The following TMEM132B variants were observed in gnomAD, a reference collection of about 807,000 sequenced individuals.
TMEM132B encodes the protein transmembrane protein 132B.
TMEM132B carries 18 observed loss-of-function variants against 90.8 expected under a neutral mutation model. The observed-to-expected ratio is 0.20, with a 90% CI of 0.14 to 0.29. The LOEUF (loss-of-function observed/expected upper bound fraction) is 0.29. TMEM132B is among the 10% of genes least tolerant of loss of function. The probability of loss-of-function intolerance (pLI) is 1.00; values close to 1 mark genes in which losing one functional copy is unlikely to be tolerated. For missense variants in TMEM132B, 1,096 were observed against 1,326.8 expected (o/e 0.83, Z 2.70); for synonymous variants, 504 against 523.3 (o/e 0.96, Z 0.50).
rs895340559 is a variant in TMEM132B at position 125,658,957 on chromosome 12, A to G, written c.*4247A>G. ...TTTTTCTGGAAATATTTCGGAAATA[A>G]AGTGACTTCATTTTTCAGCATAAAA... is the stretch of plus-strand genomic sequence containing the variant. On this transcript the variant is annotated 3_prime_UTR_variant, in exon 9 of 9. Coordinates refer to ENST00000682704, the MANE Select transcript of TMEM132B (RefSeq NM_001366854.1). 6.6e-6 allele frequency: 1 copy of G among 152,200 alleles called. No homozygotes were observed. 9.4% of individuals were successfully genotyped at this position (152,200 alleles called of 1,614,324 possible).
intron 3 of TMEM132B, among the ~76,000 whole-genome samples, chr12:125,496,376 A>T (rs977348619): frequency 6.6e-6 from 1 of 152,176 alleles, no homozygotes; most frequent in African/African-American, 2.4e-5. Flanking sequence ...CCTATACATC[A>T]GTTGAAATAT....
At chr12:125,449,878 A>T (rs1368808188) in intron 3 of TMEM132B, among the ~76,000 whole-genome samples, 1 of 152,230 alleles carries the variant, frequency 6.6e-6, no homozygotes, top group Non-Finnish European at 1.5e-5. Context: ...TAAGCAAATG[A>T]GTCAACATTT....
At chr12:125,248,612 A>G (rs1874253914) in intron 1 of TMEM132B, among the ~76,000 whole-genome samples, 1 of 152,224 alleles carries the variant, frequency 6.6e-6, no homozygotes, top group Non-Finnish European at 1.5e-5. Context: ...CTAATAAATT[A>G]TAAAGTAATC....
At chr12:125,632,023 A>G (rs1886378590) in intron 5 of TMEM132B, among the ~76,000 whole-genome samples, 2 of 151,762 alleles carry the variant, frequency 1.3e-5, no homozygotes, top group East Asian at 3.9e-4. Flanking sequence ...CCATTTTGTT[A>G]CTAGTTTTCT....
intron 1 of TMEM132B, among the ~76,000 whole-genome samples, chr12:125,249,700 A>G (rs910807037): frequency 6.6e-6 from 1 of 152,224 alleles, no homozygotes; most frequent in Non-Finnish European, 1.5e-5. Context: ...TCTTGAAGCA[A>G]TTTGACAGTT....
chr12:125,548,250 T>C (rs929023653), intron 4 of TMEM132B, among the ~76,000 whole-genome samples: 2 of 152,164 alleles, frequency 1.3e-5, no homozygotes, highest in African/African-American at 4.8e-5. Context: ...AACTCATTGG[T>C]GTTAACAGTC....
intron 1 of TMEM132B, among the ~76,000 whole-genome samples, chr12:125,288,712 G>A (rs148514828): frequency 1.6e-4 from 25 of 152,018 alleles, no homozygotes; most frequent in Non-Finnish European, 2.9e-4. Flanking sequence ...TCTGCGCATC[G>A]TGGGATGTTC....
chr12:125,468,535 A>G (rs1162761226), intron 3 of TMEM132B, among the ~76,000 whole-genome samples: 1 of 152,180 alleles, frequency 6.6e-6, no homozygotes. Context: ...TTCTTTCCCC[A>G]TAGTGTATGT....
At chr12:125,400,270 A>G (rs920833497) in intron 2 of TMEM132B, among the ~76,000 whole-genome samples, 1 of 152,250 alleles carries the variant, frequency 6.6e-6, no homozygotes, top group African/African-American at 2.4e-5. Flanking sequence ...TAGACGAGAG[A>G]TTAAACTGAG....
chr12:125,494,987 A>G, intron 3 of TMEM132B, among the ~76,000 whole-genome samples: 1 of 105,778 alleles, frequency 9.5e-6, no homozygotes, highest in Non-Finnish European at 1.8e-5. Flanking sequence ...CCTCCCTGGA[A>G]ATGGCTGTGT....
At chr12:125,457,520 G>A (rs111427740) in intron 3 of TMEM132B, among the ~76,000 whole-genome samples, 162 of 152,310 alleles carry the variant, frequency 1.1e-3, no homozygotes, top group African/African-American at 3.3e-3. Context: ...CCTTGCAGGG[G>A]CCTCTAGGGA....
intron 4 of TMEM132B, among the ~76,000 whole-genome samples, chr12:125,527,711 CCCATCCACCCTT>C (rs1883532059): frequency 6.7e-6 from 1 of 149,430 alleles, no homozygotes; most frequent in East Asian, 1.9e-4. Context: ...CTTCCATCCA[CCCATCCACCCTT>C]CCATCCACCC....
intron 4 of TMEM132B, among the ~76,000 whole-genome samples, chr12:125,530,049 A>G (rs1177145103): frequency 6.6e-6 from 1 of 152,170 alleles, no homozygotes; most frequent in African/African-American, 2.4e-5. Context: ...AAACAAATGT[A>G]TGTGGGGCTG....
At chr12:125,474,056 TTTTCCTTTCCTTTCCTTTCCTTTCC>T (rs113319203) in intron 3 of TMEM132B, among the ~76,000 whole-genome samples, 2 of 129,402 alleles carry the variant, frequency 1.5e-5, no homozygotes, top group Non-Finnish European at 3.2e-5. Flanking sequence ...CCTTCTTTCT[TTTTCCTTTCCTTTCCTTTCCTTTCC>T]TTTCCTTTCC....
intron 1 of TMEM132B, among the ~76,000 whole-genome samples, chr12:125,224,606 C>A (rs1368925073): frequency 6.6e-6 from 1 of 152,182 alleles, no homozygotes; most frequent in African/African-American, 2.4e-5. Context: ...CCCTTCCCTG[C>A]CTGTCTTGGG....
chr12:125,279,657 C>G (rs553453855), intron 1 of TMEM132B, among the ~76,000 whole-genome samples: 3 of 152,286 alleles, frequency 2.0e-5, no homozygotes, highest in African/African-American at 7.2e-5. Context: ...ACAAAATCTG[C>G]CTGTGTCTTT....
At chr12:125,382,113 C>G (rs556399349) in intron 2 of TMEM132B, among the ~76,000 whole-genome samples, 9 of 152,260 alleles carry the variant, frequency 5.9e-5, no homozygotes, top group Non-Finnish European at 8.8e-5. Context: ...GTTGTTTGCA[C>G]ACAGGTAACT....
chr12:125,506,795 CTGTT>C (rs1450829688), intron 3 of TMEM132B, among the ~76,000 whole-genome samples: 1 of 152,218 alleles, frequency 6.6e-6, no homozygotes, highest in African/African-American at 2.4e-5. Context: ...TAAGGTATAA[CTGTT>C]TGCATGGACA....
chr12:125,242,727 T>A (rs537391940), intron 1 of TMEM132B, among the ~76,000 whole-genome samples: 12 of 152,276 alleles, frequency 7.9e-5, no homozygotes, highest in Non-Finnish European at 1.5e-4. Flanking sequence ...TCCTTCAAGA[T>A]CTCCTGTTCT....
Sources: allele counts gnomAD v4.1 joint callset (sites outside exome capture counted in the v4.1 genomes callset), GRCh38; gene constraint gnomAD v4.1.1; transcripts MANE v1.5; gene names NCBI Gene and HGNC (gene_info 2026-07-23, HGNC 2026-07-21).